Variants in CSMD1 observed in about 807,000 individuals in gnomAD.
The protein encoded by CSMD1 is CUB and sushi domain-containing protein 1.
CSMD1 carries 213 observed loss-of-function variants against 417.5 expected under a neutral mutation model. The observed-to-expected ratio is 0.51, with a 90% CI of 0.46 to 0.57. The LOEUF (loss-of-function observed/expected upper bound fraction) is 0.57, where lower values mean the gene tolerates loss of function less well. CSMD1 is among the 20% of genes least tolerant of loss of function. CSMD1 has a pLI of 0.00. For synonymous variants in CSMD1, 2,862 were observed against 1,736.8 expected (o/e 1.65, Z -16.11); for missense variants, 6,923 against 4,529.7 (o/e 1.53, Z -15.17).
intron 8 of CSMD1, among the ~76,000 whole-genome samples, chr8:3,616,298 A>T (rs1356584747): frequency 6.6e-6 from 1 of 151,988 alleles, no homozygotes; most frequent in Non-Finnish European, 1.5e-5. Flanking sequence ...TTCTCATGAG[A>T]TCTGATGGTT....
chr8:3,620,104 G>C (rs771774240), intron 7 of CSMD1, among the ~76,000 whole-genome samples: 2 of 151,830 alleles, frequency 1.3e-5, no homozygotes, highest in African/African-American at 4.8e-5. Context: ...TCCAACTGAA[G>C]AAAAGAAGAA....
intron 5 of CSMD1, among the ~76,000 whole-genome samples, chr8:3,859,669 G>A (rs1339477351): frequency 6.6e-6 from 1 of 152,062 alleles, no homozygotes; most frequent in Admixed American, 6.6e-5. Context: ...CAACCATATG[G>A]GCAATTAATC....
intron 3 of CSMD1, among the ~76,000 whole-genome samples, chr8:4,047,996 A>G (rs1291689745): frequency 6.6e-6 from 1 of 152,172 alleles, no homozygotes; most frequent in African/African-American, 2.4e-5. Context: ...TGAGAGCTTT[A>G]AGTCTTTGTA....
At chr8:3,382,640 T>G (rs1232102568) in intron 18 of CSMD1, among the ~76,000 whole-genome samples, 2 of 146,328 alleles carry the variant, frequency 1.4e-5, no homozygotes, top group Non-Finnish European at 3.0e-5. Context: ...TATCTCTCTC[T>G]ATATAGAGAT....
At chr8:4,492,099 C>T (rs1415283402) in intron 2 of CSMD1, among the ~76,000 whole-genome samples, 1 of 152,024 alleles carries the variant, frequency 6.6e-6, no homozygotes, top group Non-Finnish European at 1.5e-5. Flanking sequence ...ATATGGTTTC[C>T]TTATTATTCT....
chr8:4,785,118 G>A (rs140901594), intron 1 of CSMD1, among the ~76,000 whole-genome samples: 1 of 152,258 alleles, frequency 6.6e-6, no homozygotes, highest in African/African-American at 2.4e-5. Context: ...CTTCTTTCAG[G>A]AGAATTTTTA....
chr8:4,046,719 C>T (rs1374891281), intron 3 of CSMD1, among the ~76,000 whole-genome samples: 1 of 152,042 alleles, frequency 6.6e-6, no homozygotes, highest in Non-Finnish European at 1.5e-5. Flanking sequence ...TTTAAATGAC[C>T]TAATGATTTA....
intron 3 of CSMD1, among the ~76,000 whole-genome samples, chr8:4,194,312 A>G (rs1423238508): frequency 2.0e-5 from 3 of 152,174 alleles, no homozygotes; most frequent in African/African-American, 7.2e-5. Context: ...TCATTCCTAT[A>G]GGATGGGATT....
intron 1 of CSMD1, among the ~76,000 whole-genome samples, chr8:4,957,737 C>T (rs971552016): frequency 5.3e-5 from 8 of 152,034 alleles, no homozygotes; most frequent in Non-Finnish European, 1.0e-4. Flanking sequence ...TTCCCATTCC[C>T]CTTCTCTATA....
chr8:3,849,404 G>C (rs1038276354), intron 5 of CSMD1, among the ~76,000 whole-genome samples: 1 of 152,150 alleles, frequency 6.6e-6, no homozygotes, highest in Non-Finnish European at 1.5e-5. Flanking sequence ...AAGGACGGAC[G>C]AAAGGGAGTC....
chr8:3,247,232 T>C (rs1340778171), intron 26 of CSMD1, among the ~76,000 whole-genome samples: 1 of 152,176 alleles, frequency 6.6e-6, no homozygotes, highest in Non-Finnish European at 1.5e-5. Flanking sequence ...CCTTGACAAA[T>C]GTACATTCAC....
At chr8:4,765,376 G>C (rs568519776) in intron 1 of CSMD1, among the ~76,000 whole-genome samples, 8 of 152,050 alleles carry the variant, frequency 5.3e-5, no homozygotes, top group African/African-American at 9.7e-5. Context: ...GCACATCATC[G>C]GATTGTCAGA....
intron 41 of CSMD1, among the ~76,000 whole-genome samples, chr8:3,140,341 CTCTCTCTG>C (rs1032279296): frequency 7.4e-5 from 8 of 108,064 alleles, no homozygotes; most frequent in Admixed American, 6.9e-4. Context: ...CTCTCTCTCT[CTCTCTCTG>C]TCTCTCTCTC....
intron 3 of CSMD1, among the ~76,000 whole-genome samples, chr8:4,218,001 A>C (rs889293215): frequency 6.6e-6 from 1 of 152,176 alleles, no homozygotes; most frequent in South Asian, 2.1e-4. Flanking sequence ...GAAATATCCA[A>C]CCTCACAAAA....
chr8:4,876,254 T>G (rs1454998437), intron 1 of CSMD1, among the ~76,000 whole-genome samples: 1 of 152,064 alleles, frequency 6.6e-6, no homozygotes, highest in Non-Finnish European at 1.5e-5. Context: ...GGTATAATAT[T>G]ACCCTCCATG....
chr8:2,997,122 G>A (rs1173279038), intron 54 of CSMD1, among the ~76,000 whole-genome samples: 1 of 152,198 alleles, frequency 6.6e-6, no homozygotes, highest in Non-Finnish European at 1.5e-5. Context: ...AGTGAACTGG[G>A]TTTCATCAGT....
chr8:4,261,936 G>C (rs553434880), intron 3 of CSMD1, among the ~76,000 whole-genome samples: 1 of 152,158 alleles, frequency 6.6e-6, no homozygotes, highest in East Asian at 1.9e-4. Flanking sequence ...GAATGATATG[G>C]CAATGTAACA....
chr8:4,166,999 G>A (rs978534043), intron 3 of CSMD1, among the ~76,000 whole-genome samples: 1 of 152,128 alleles, frequency 6.6e-6, no homozygotes, highest in African/African-American at 2.4e-5. Flanking sequence ...CCCTGTGCTG[G>A]GTGTTTGTGA....
At chr8:4,293,125 C>A (rs1287606744) in intron 3 of CSMD1, among the ~76,000 whole-genome samples, 1 of 152,160 alleles carries the variant, frequency 6.6e-6, no homozygotes, top group Non-Finnish European at 1.5e-5. Context: ...CAGCATCGCC[C>A]TCTCAGTTTT....
Sources: allele counts gnomAD v4.1 joint callset (sites outside exome capture counted in the v4.1 genomes callset), GRCh38; gene constraint gnomAD v4.1.1; transcripts MANE v1.5; gene names NCBI Gene and HGNC (gene_info 2026-07-23, HGNC 2026-07-21).